Variants in NT5C2 observed in about 807,000 individuals in gnomAD.
NT5C2 encodes 5'-nucleotidase, cytosolic II.
In NT5C2, 58 loss-of-function variants were observed where a neutral mutation model predicts 76.1. That is an observed-to-expected ratio of 0.76 (90% confidence interval 0.62 to 0.95). NT5C2 has a LOEUF of 0.95. NT5C2 is among the 40% of genes least tolerant of loss of function. The pLI, the probability that NT5C2 is intolerant of heterozygous loss-of-function variation, is 0.00. For synonymous variants in NT5C2, 229 were observed against 237.4 expected, an observed-to-expected ratio of 0.96 and a Z score of 0.32; for missense variants, 478 against 690.3, an observed-to-expected ratio of 0.69 and a Z score of 3.45.
At chr10:103,139,570 CATTT>C in intron 3 of NT5C2, 91 bp from the exon 4 acceptor site, 1 of 908,176 alleles carries the variant, frequency 1.1e-6, no homozygotes, top group Non-Finnish European at 1.6e-6. Context: ...TAGGTTTTCT[CATTT>C]ATTTTTCCAA....
Position 103,106,701 on chromosome 10 carries a change from T to C in NT5C2, c.181A>G (p.Lys61Glu), listed in dbSNP as rs2071368159. The change falls in exon 5 of 19, where the codon AAG (lysine) becomes GAG (glutamate). Residue 61 changes from lysine to glutamate, a missense_variant. Coordinates refer to ENST00000404739, the MANE Select transcript of NT5C2 (RefSeq NM_001351169.2). ...FDMDYTLAVYKSPEYESLGFE... is the reference protein window; with the variant it reads ...FDMDYTLAVYESPEYESLGFE... ...CCAAGGGACTCATACTCTGGGGACT[T>C]GTACACTGCACAAAGAGGAGGTTTT... The C allele has an allele frequency of 6.3e-7, 1 of 1,579,956 alleles. No individual in the cohort carries two copies. Among genetic ancestry groups the C allele is most frequent in the East Asian group, 2.2e-5 (1 of 44,686 alleles).
chr10:103,112,548 A>G (rs1165283812), intron 4 of NT5C2, among the ~76,000 whole-genome samples: 1 of 152,212 alleles, frequency 6.6e-6, no homozygotes, highest in African/African-American at 2.4e-5. Context: ...TGACACTTTA[A>G]AGATATGCAT....
At chr10:103,190,307 T>C (rs1316089053) in intron 1 of NT5C2, among the ~76,000 whole-genome samples, 1 of 152,174 alleles carries the variant, frequency 6.6e-6, no homozygotes, top group Non-Finnish European at 1.5e-5. Flanking sequence ...CCAGAATTTC[T>C]CTTTCCAGTT....
At chr10:103,168,442 C>T (rs1455712195) in intron 3 of NT5C2, among the ~76,000 whole-genome samples, 1 of 152,150 alleles carries the variant, frequency 6.6e-6, no homozygotes, top group Non-Finnish European at 1.5e-5. Flanking sequence ...CCTAATTGTT[C>T]CATTCTTGGA....
At chr10:103,187,196 G>A (rs1056198107) in intron 1 of NT5C2, among the ~76,000 whole-genome samples, 6 of 151,842 alleles carry the variant, frequency 4.0e-5, no homozygotes, top group African/African-American at 9.7e-5. Flanking sequence ...GTTGCAGTAC[G>A]CTGAGAGCGC....
chr10:103,189,652 T>G (rs2135519215), intron 1 of NT5C2, among the ~76,000 whole-genome samples: 1 of 151,990 alleles, frequency 6.6e-6, no homozygotes, highest in African/African-American at 2.4e-5. Context: ...GTCATAATTT[T>G]TTTAACTTTT....
chr10:103,182,868 T>C (rs184649856), intron 1 of NT5C2, among the ~76,000 whole-genome samples: 28 of 152,344 alleles, frequency 1.8e-4, no homozygotes, highest in African/African-American at 6.5e-4. Context: ...CCTCCATTTG[T>C]ATGCCTCATA....
At chr10:103,111,279 A>G (rs2072953545) in intron 4 of NT5C2, among the ~76,000 whole-genome samples, 2 of 152,198 alleles carry the variant, frequency 1.3e-5, no homozygotes, top group Non-Finnish European at 2.9e-5. Context: ...GTTACTCAAT[A>G]TCGGAAGACA....
chr10:103,106,834 C>T, intron 4 of NT5C2, 128 bp from the exon 5 acceptor site: 1 of 686,160 alleles, frequency 1.5e-6, no homozygotes, highest in East Asian at 2.5e-5. Context: ...TCTTCTTCCC[C>T]CTCAAACTCC....
rs886037658 is a variant in NT5C2 at position 103,139,405 on chromosome 10, C to T, written c.175+1G>A. The T allele has an allele frequency of 6.4e-7, 1 of 1,570,124 alleles. No individual in the cohort carries two copies. Among genetic ancestry groups the T allele is most frequent in the South Asian group, 1.2e-5 (1 of 85,334 alleles). ...TTAAGCAATCAGAAATTGCTACTCA[C>T]CAGCAAGGGTATAATCCATATCAAA... is the stretch of plus-strand genomic sequence containing the variant. On this transcript the variant is annotated splice_donor_variant, in intron 4 of 18. Coordinates refer to ENST00000404739, the MANE Select transcript of NT5C2 (RefSeq NM_001351169.2). LOFTEE classifies it high-confidence loss of function.
chr10:103,119,813 A>AT (rs2075289701), intron 4 of NT5C2, among the ~76,000 whole-genome samples: 1 of 149,878 alleles, frequency 6.7e-6, no homozygotes, highest in Non-Finnish European at 1.5e-5. Flanking sequence ...ACAAAAAAAA[A>AT]GGCGTGGCCA....
intron 1 of NT5C2, among the ~76,000 whole-genome samples, chr10:103,183,262 GAT>G (rs201371414): frequency 0.11 from 8,223 of 73,216 alleles, 380 homozygotes; most frequent in East Asian, 0.15. Context: ...GTGTGTGTGT[GAT>G]ATATATATAT....
At chr10:103,147,320 T>C (rs748085729) in intron 3 of NT5C2, among the ~76,000 whole-genome samples, 6 of 152,256 alleles carry the variant, frequency 3.9e-5, no homozygotes, top group African/African-American at 4.8e-5. Context: ...CATGCACCTT[T>C]GGCTGTAGTA....
intron 4 of NT5C2, among the ~76,000 whole-genome samples, chr10:103,121,872 TATTTA>T (rs1345451376): frequency 6.6e-6 from 1 of 152,176 alleles, no homozygotes; most frequent in Non-Finnish European, 1.5e-5. Flanking sequence ...AAAAATGCAC[TATTTA>T]ATTTTAGAAT....
At chr10:103,183,592 T>C (rs1362012865) in intron 1 of NT5C2, among the ~76,000 whole-genome samples, 1 of 148,644 alleles carries the variant, frequency 6.7e-6, no homozygotes, top group Non-Finnish European at 1.5e-5. Context: ...CTCAGCTCAC[T>C]GCAAGCTCTG....
intron 14 of NT5C2, 109 bp from the exon 15 acceptor site, chr10:103,093,418 C>A: frequency 1.0e-6 from 1 of 980,486 alleles, no homozygotes; most frequent in South Asian, 2.3e-5. Flanking sequence ...ATATGAGGAA[C>A]AGACTAGGAA....
intron 4 of NT5C2, among the ~76,000 whole-genome samples, chr10:103,133,905 A>C (rs1315670862): frequency 6.6e-6 from 1 of 152,236 alleles, no homozygotes; most frequent in South Asian, 2.1e-4. Context: ...GAGTCTTTAT[A>C]TATTTTAGCA....
intron 4 of NT5C2, among the ~76,000 whole-genome samples, chr10:103,116,619 G>A: frequency 6.9e-6 from 1 of 145,306 alleles, no homozygotes; most frequent in Non-Finnish European, 1.5e-5. Context: ...ATCCTGGCTG[G>A]AATGCCCTAG....
chr10:103,130,325 A>C (rs532991173), intron 4 of NT5C2, among the ~76,000 whole-genome samples: 6 of 152,058 alleles, frequency 3.9e-5, no homozygotes, highest in Non-Finnish European at 8.8e-5. Context: ...GCGGTGCAAG[A>C]TGTGCTTTGT....
Sources: allele counts gnomAD v4.1 joint callset (sites outside exome capture counted in the v4.1 genomes callset), GRCh38; gene constraint gnomAD v4.1.1; transcripts MANE v1.5; gene names NCBI Gene and HGNC (gene_info 2026-07-23, HGNC 2026-07-21).